Variants in FAM135B observed in about 807,000 individuals in gnomAD.
FAM135B encodes protein FAM135B.
FAM135B carries 43 observed loss-of-function variants against 127.7 expected under a neutral mutation model. That is an observed-to-expected ratio of 0.34 (90% CI 0.26 to 0.43). FAM135B has a LOEUF of 0.43. Ranked by LOEUF, FAM135B falls within the 20% of genes least tolerant of loss-of-function variation. FAM135B has a pLI of 1.00. For synonymous variants in FAM135B, 670 were observed against 665.1 expected (o/e 1.01, Z -0.11); for missense variants, 1,558 against 1,725.6 (o/e 0.90, Z 1.72).
At chr8:138,136,887 C>T (rs1473409635) in intron 19 of FAM135B, among the ~76,000 whole-genome samples, 3 of 152,208 alleles carry the variant, frequency 2.0e-5, no homozygotes, top group Non-Finnish European at 2.9e-5. Context: ...TTATACATCC[C>T]AGTCATCAAT....
intron 2 of FAM135B, among the ~76,000 whole-genome samples, chr8:138,315,757 A>G (rs1827039520): frequency 6.6e-6 from 1 of 152,190 alleles, no homozygotes. Context: ...AGCCAGATAC[A>G]GAAAAAAAAA....
At chr8:138,270,645 T>G (rs887084593) in intron 3 of FAM135B, among the ~76,000 whole-genome samples, 6 of 152,250 alleles carry the variant, frequency 3.9e-5, no homozygotes, top group Non-Finnish European at 8.8e-5. Context: ...AAAGGCCTTA[T>G]TTCTGCATCA....
intron 7 of FAM135B, among the ~76,000 whole-genome samples, chr8:138,219,797 T>C (rs998149293): frequency 2.0e-5 from 3 of 152,112 alleles, no homozygotes; most frequent in African/African-American, 7.2e-5. Flanking sequence ...AAATGTGTTT[T>C]TACTAGTCAG....
chr8:138,488,334 G>A (rs1253624687), intron 1 of FAM135B, among the ~76,000 whole-genome samples: 1 of 152,110 alleles, frequency 6.6e-6, no homozygotes, highest in Non-Finnish European at 1.5e-5. Flanking sequence ...CTTGCACCGG[G>A]GAGGTCACAT....
At chr8:138,181,523 C>A (rs2131006547) in intron 9 of FAM135B, among the ~76,000 whole-genome samples, 1 of 152,194 alleles carries the variant, frequency 6.6e-6, no homozygotes, top group Admixed American at 6.5e-5. Flanking sequence ...TGGCAGTGGG[C>A]TGCACACACA....
intron 3 of FAM135B, among the ~76,000 whole-genome samples, chr8:138,288,147 G>A (rs1339152488): frequency 6.6e-6 from 1 of 152,182 alleles, no homozygotes; most frequent in Non-Finnish European, 1.5e-5. Context: ...CGTGCATGCT[G>A]AGGGAAACCA....
intron 2 of FAM135B, among the ~76,000 whole-genome samples, chr8:138,343,304 C>T (rs1036635780): frequency 6.6e-6 from 1 of 152,234 alleles, no homozygotes; most frequent in Non-Finnish European, 1.5e-5. Context: ...CAGGAAGACA[C>T]ATGCAGACAC....
At chr8:138,395,699 C>T (rs979031980) in intron 1 of FAM135B, among the ~76,000 whole-genome samples, 1 of 152,142 alleles carries the variant, frequency 6.6e-6, no homozygotes, top group African/African-American at 2.4e-5. Context: ...AGAGGATTGC[C>T]AATCTCTGTA....
chr8:138,336,316 G>T (rs557878207), intron 2 of FAM135B, among the ~76,000 whole-genome samples: 1 of 152,192 alleles, frequency 6.6e-6, no homozygotes, highest in Admixed American at 6.5e-5. Context: ...ATGAATCCAG[G>T]AGCTGGTTTT....
intron 2 of FAM135B, among the ~76,000 whole-genome samples, chr8:138,335,158 C>G (rs953045901): frequency 4.6e-5 from 7 of 152,132 alleles, no homozygotes; most frequent in Non-Finnish European, 7.4e-5. Context: ...CCATGCCCAG[C>G]TCTAGACATG....
chr8:138,367,740 A>C lies in FAM135B; in HGVS notation c.77+167T>G, dbSNP rs6995377. Among the ~76,000 whole-genome samples the C allele has an allele frequency of 9.0e-3, 1,372 of 152,212 alleles. 26 individuals carry two copies. The highest frequency in any genetic ancestry group is 0.032 in the African/African-American group (1,314 of 41,544). The stretch of plus-strand genomic sequence containing the variant: ...AATATGTGGTTTATTTTCAGATGCA[A>C]TAAAGGTTTGGATTTTTGACTTGGC... On this transcript the variant is annotated intron_variant, in intron 2 of 19. Coordinates refer to ENST00000395297, the MANE Select transcript of FAM135B (RefSeq NM_015912.4).
chr8:138,307,896 GAT>G, intron 3 of FAM135B, among the ~76,000 whole-genome samples: 1 of 152,230 alleles, frequency 6.6e-6, no homozygotes, highest in East Asian at 1.9e-4. Context: ...TTTGCCTAAA[GAT>G]ATATTTTTCT....
intron 1 of FAM135B, among the ~76,000 whole-genome samples, chr8:138,494,354 A>G (rs534618653): frequency 6.6e-6 from 1 of 152,262 alleles, no homozygotes; most frequent in Non-Finnish European, 1.5e-5. Flanking sequence ...CCACAACCAA[A>G]GTCAGATAGG....
At chr8:138,291,193 G>A (rs1389879196) in intron 3 of FAM135B, among the ~76,000 whole-genome samples, 4 of 152,302 alleles carry the variant, frequency 2.6e-5, no homozygotes, top group East Asian at 1.9e-4. Context: ...CTGGATCAAG[G>A]TAGCTATATT....
At chr8:138,212,195 C>G (rs1162885840) in intron 7 of FAM135B, among the ~76,000 whole-genome samples, 1 of 152,118 alleles carries the variant, frequency 6.6e-6, no homozygotes, top group Non-Finnish European at 1.5e-5. Context: ...GGACACCTGG[C>G]ACAAAATAGG....
chr8:138,234,051 A>T (rs1820095056), intron 7 of FAM135B, among the ~76,000 whole-genome samples: 1 of 152,190 alleles, frequency 6.6e-6, no homozygotes, highest in Admixed American at 6.6e-5. Flanking sequence ...GTAAGGAGCA[A>T]GGCATCAGAA....
intron 1 of FAM135B, among the ~76,000 whole-genome samples, chr8:138,368,323 G>A (rs1011042180): frequency 6.6e-6 from 1 of 152,074 alleles, no homozygotes; most frequent in African/African-American, 2.4e-5. Context: ...CATCCTTCAT[G>A]GCCAAAGGCA....
At chr8:138,225,064 A>T (rs571063148) in intron 7 of FAM135B, among the ~76,000 whole-genome samples, 1 of 152,330 alleles carries the variant, frequency 6.6e-6, no homozygotes, top group South Asian at 2.1e-4. Flanking sequence ...TATATTTCAA[A>T]ATTGCTACAA....
rs78673526 is a variant in FAM135B, at chr8:138,152,896, C to T, written c.1579G>A (p.Gly527Arg). The T allele has an allele frequency of 1.1e-3, 1,748 of 1,614,202 alleles. 11 individuals carry two copies. In the African/African-American group the frequency reaches 0.015, roughly 14 times the overall value. ...TCCACATCTGCCACTGGATATGTCC[C>T]AGCATCAGATGTTTGGCCAGTCCAA... ...ECWTGQTSDA[G>R]TYPVADVDTS... is the part of the protein sequence containing the mutation. Residue 527 changes from glycine (G) to arginine (R), a missense_variant, in exon 13 of 20, where the codon GGG becomes AGG. Transcript: ENST00000395297.
Sources: allele counts gnomAD v4.1 joint callset (sites outside exome capture counted in the v4.1 genomes callset), GRCh38; gene constraint gnomAD v4.1.1; transcripts MANE v1.5; gene names NCBI Gene and HGNC (gene_info 2026-07-23, HGNC 2026-07-21).